Variants in OSBPL9 observed in about 807,000 individuals in gnomAD.
OSBPL9 encodes oxysterol-binding protein-related protein 9.
A neutral mutation model predicts 106.6 loss-of-function variants in OSBPL9; 40 were observed. That is an observed-to-expected ratio of 0.38 (90% CI 0.29 to 0.49). The LOEUF (loss-of-function observed/expected upper bound fraction) is 0.49. Among genes scored for constraint, OSBPL9 ranks in the 20% least tolerant of loss-of-function variants. The pLI, the probability that OSBPL9 is intolerant of heterozygous loss-of-function variation, is 0.97. For synonymous variants in OSBPL9, 269 were observed against 295.4 expected, an observed-to-expected ratio of 0.91 and a Z score of 0.92; for missense variants, 609 against 887.2, an observed-to-expected ratio of 0.69 and a Z score of 3.98.
At chr1:51,757,399 T>A (rs1157665265) in intron 9 of OSBPL9, among the ~76,000 whole-genome samples, 2 of 152,010 alleles carry the variant, frequency 1.3e-5, no homozygotes, top group Non-Finnish European at 1.5e-5. Flanking sequence ...TCGAAGATTG[T>A]TAGCCTCATA....
chr1:51,730,328 G>A (rs77365374), intron 4 of OSBPL9, among the ~76,000 whole-genome samples: 1,981 of 152,246 alleles, frequency 0.013, 41 homozygotes, highest in African/African-American at 0.043. Context: ...CTCAGAATAT[G>A]ATTTTAAGCA....
At chr1:51,565,181 T>C in the OSBPL9 span, among the ~76,000 whole-genome samples, 1 of 152,184 alleles carries the variant, frequency 6.6e-6, no homozygotes, top group Non-Finnish European at 1.5e-5. Context: ...CAAGCATCTC[T>C]TCTGCATGAC....
intron 15 of OSBPL9, among the ~76,000 whole-genome samples, 193 bp from the exon 16 acceptor site, chr1:51,780,971 G>GA (rs1009725193): frequency 3.3e-5 from 5 of 151,508 alleles, no homozygotes; most frequent in African/African-American, 1.2e-4. Context: ...AAAAAAAAAA[G>GA]AAAAAACCAC....
At chr1:51,611,420 C>T (rs182741484) in intron 2 of OSBPL9, among the ~76,000 whole-genome samples, 1 of 152,030 alleles carries the variant, frequency 6.6e-6, no homozygotes, top group East Asian at 1.9e-4. Context: ...ATTTGATGCT[C>T]GACAAATACC....
the OSBPL9 span, among the ~76,000 whole-genome samples, chr1:51,559,851 G>A: frequency 2.3e-4 from 33 of 145,950 alleles, no homozygotes; most frequent in African/African-American, 8.9e-4. Flanking sequence ...GTATTAAAAA[G>A]AGACAACTGT....
intron 2 of OSBPL9, among the ~76,000 whole-genome samples, chr1:51,657,705 T>G (rs1646899703): frequency 6.6e-6 from 1 of 152,220 alleles, no homozygotes; most frequent in South Asian, 2.1e-4. Flanking sequence ...AATAAAATGT[T>G]GCTTGAGTCC....
chr1:51,662,106 TTGGTGTGGTAACATA>T, intron 2 of OSBPL9, among the ~76,000 whole-genome samples: 1 of 152,222 alleles, frequency 6.6e-6, no homozygotes, highest in African/African-American at 2.4e-5. Flanking sequence ...AGAAGAACCA[TTGGTGTGGTAACATA>T]TCCTCCAAGG....
upstream of OSBPL9, chr1:51,577,159 C>G (rs1438794874): frequency 6.6e-6 from 1 of 152,134 alleles, no homozygotes; most frequent in Non-Finnish European, 1.5e-5. Context: ...GACGTACCTG[C>G]TCCCTCTTCA....
intron 1 of OSBPL9, among the ~76,000 whole-genome samples, chr1:51,630,786 G>A (rs1645059036): frequency 6.6e-6 from 1 of 152,024 alleles, no homozygotes; most frequent in Non-Finnish European, 1.5e-5. Context: ...TTTAATTTTT[G>A]TTTTAACTTT....
intron 3 of OSBPL9, among the ~76,000 whole-genome samples, chr1:51,674,086 C>T (rs1285988160): frequency 9.0e-5 from 13 of 144,032 alleles, no homozygotes; most frequent in Non-Finnish European, 1.5e-5. Flanking sequence ...TTTTTCAGGG[C>T]CTTGCTCTGT....
chr1:51,782,487 CAA>C, intron 16 of OSBPL9, 70 bp from the exon 17 acceptor site: 2 of 1,225,008 alleles, frequency 1.6e-6, no homozygotes, highest in Non-Finnish European at 2.3e-6. Context: ...GCAGAGACCC[CAA>C]TTACCAGATT....
chr1:51,524,052 A>G, the OSBPL9 span, among the ~76,000 whole-genome samples: 22 of 152,312 alleles, frequency 1.4e-4, no homozygotes, highest in African/African-American at 5.3e-4. Context: ...TCTTACTACA[A>G]TTCTCATGGT....
chr1:51,784,079 A>G (rs781616164), intron 18 of OSBPL9, 54 bp downstream of exon 18: 6 of 1,502,086 alleles, frequency 4.0e-6, no homozygotes, highest in South Asian at 1.1e-5. Flanking sequence ...TTTTATGAAA[A>G]TGGCTAGACT....
At chr1:51,640,574 CG>C (rs1557624741) in intron 1 of OSBPL9, among the ~76,000 whole-genome samples, 1 of 151,912 alleles carries the variant, frequency 6.6e-6, no homozygotes, top group Non-Finnish European at 1.5e-5. Flanking sequence ...TTTACAGAAC[CG>C]GGGAAAAGGT....
intron 10 of OSBPL9, 49 bp downstream of exon 10, chr1:51,760,829 T>C (rs1471804094): frequency 9.4e-6 from 15 of 1,591,766 alleles, no homozygotes; most frequent in Non-Finnish European, 1.2e-5. Flanking sequence ...AAAAAATAAT[T>C]TGTGTGGCTG....
chr1:51,748,525 G>A, intron 7 of OSBPL9, 127 bp downstream of exon 7: 1 of 1,049,930 alleles, frequency 9.5e-7, no homozygotes, highest in Non-Finnish European at 1.2e-6. Context: ...TTATACAGGG[G>A]TGCTTAAGCA....
chr1:51,701,790 C>T (rs530614701), intron 3 of OSBPL9, among the ~76,000 whole-genome samples: 2 of 152,266 alleles, frequency 1.3e-5, no homozygotes, highest in East Asian at 3.9e-4. Flanking sequence ...AATGCTATCC[C>T]TCCCCGCTCT....
the OSBPL9 span, among the ~76,000 whole-genome samples, chr1:51,538,931 C>T: frequency 2.0e-5 from 3 of 152,272 alleles, no homozygotes; most frequent in Non-Finnish European, 2.9e-5. Flanking sequence ...ACTCTCTCTT[C>T]GCAGGTCTGT....
chr1:51,646,058 A>G (rs929569755), intron 1 of OSBPL9, among the ~76,000 whole-genome samples: 99 of 152,326 alleles, frequency 6.5e-4, no homozygotes, highest in African/African-American at 2.4e-3. Flanking sequence ...TGAGTCCTCC[A>G]ATGTTGTTCT....
Sources: gnomAD v4.1 joint callset for allele counts (sites outside exome capture counted in the v4.1 genomes callset) on GRCh38, gnomAD v4.1.1 for gene constraint, MANE v1.5 for transcripts, NCBI Gene and HGNC (gene_info 2026-07-23, HGNC 2026-07-21) for gene names.